PPP1CC: variants seen among roughly 807,000 people sequenced by gnomAD.
PPP1CC encodes serine/threonine-protein phosphatase PP1-gamma catalytic subunit.
Under a neutral mutation model 38.4 loss-of-function variants are expected in PPP1CC, and 16 were observed. That is an observed-to-expected ratio of 0.42 (90% CI 0.28 to 0.63). PPP1CC has a LOEUF of 0.63. Among genes scored for constraint, PPP1CC ranks in the 30% least tolerant of loss-of-function variants. PPP1CC has a pLI of 0.25. For synonymous variants in PPP1CC, 158 were observed against 136.0 expected (o/e 1.16, Z -1.13); for missense variants, 170 against 391.3 (o/e 0.43, Z 4.77).
chr12:110,732,394 T>TA, intron 1 of PPP1CC: 1 of 144,240 alleles, frequency 6.9e-6, no homozygotes, highest in Non-Finnish European at 1.4e-5. Context: ...AGACTCCGTC[T>TA]CAAAAAAAAA....
In PPP1CC at chr12:110,720,358, C is replaced by T. The variant is rs906447227; in HGVS notation, c.*718G>A. ...TCCCCAAGAAGGCAGCATGTGTATA[C>T]AACCATACCACCTTGTACTTAGGGG... is the stretch of plus-strand genomic sequence containing the variant. On this transcript the variant is annotated 3_prime_UTR_variant, in exon 7 of 7. Coordinates refer to ENST00000335007, the MANE Select transcript of PPP1CC (RefSeq NM_002710.4). The T allele has an allele frequency of 3.2e-6, 2 of 627,374 alleles. No individual in the cohort carries two copies. The highest frequency in any genetic ancestry group is 2.8e-5 in the Admixed American group (1 of 35,352). The allele number at this position is 627,374 out of a possible 1,614,324, so 38.9% of individuals were successfully genotyped here.
intron 1 of PPP1CC, among the ~76,000 whole-genome samples, chr12:110,740,721 G>T (rs1346110909): frequency 3.3e-5 from 5 of 152,186 alleles, no homozygotes; most frequent in Non-Finnish European, 7.3e-5. Context: ...CATTTTAGAT[G>T]TATCATTACT....
At chr12:110,713,779 T>C in the PPP1CC span, among the ~76,000 whole-genome samples, 1 of 152,202 alleles carries the variant, frequency 6.6e-6, no homozygotes, top group Non-Finnish European at 1.5e-5. Context: ...AGAGGAATTC[T>C]GGTTTTCTGG....
At chr12:110,714,802 T>G (rs2069675921), downstream of PPP1CC, among the ~76,000 whole-genome samples, 2 of 72,620 alleles carry the variant, frequency 2.8e-5, no homozygotes, top group South Asian at 4.9e-4. Flanking sequence ...CAAGACTCTG[T>G]CTCAAAAAAA....
intron 3 of PPP1CC, among the ~76,000 whole-genome samples, chr12:110,730,220 G>A (rs1347360697): frequency 6.6e-6 from 1 of 152,212 alleles, no homozygotes; most frequent in Non-Finnish European, 1.5e-5. Context: ...TTAGCCAAGC[G>A]TGGTGATGCA....
At chr12:110,710,372 G>C in the PPP1CC span, among the ~76,000 whole-genome samples, 4 of 148,012 alleles carry the variant, frequency 2.7e-5, no homozygotes, top group Non-Finnish European at 5.9e-5. Flanking sequence ...GTGAAACCCT[G>C]TCGCTATTAA....
In PPP1CC at chr12:110,720,281, A is replaced by T; in HGVS notation, c.*795T>A. On this transcript the variant is annotated 3_prime_UTR_variant, in exon 7 of 7. Coordinates refer to ENST00000335007, the MANE Select transcript of PPP1CC (RefSeq NM_002710.4). ...TATTACCTTTTATCGTTAGTAGCTT[A>T]AACAGCACTATATCACTAATTGCTA... 8.1e-7 allele frequency: 1 copy of T among 1,231,726 alleles called. No individual in the cohort carries two copies. Among genetic ancestry groups the T allele is most frequent in the Non-Finnish European group, 1.1e-6 (1 of 876,230 alleles). 76.3% of individuals were successfully genotyped at this position (1,231,726 alleles called of 1,614,324 possible). A position where few individuals can be genotyped will look rare whatever the true frequency, so the allele number is the denominator to read the frequency against.
At chr12:110,735,928 G>A (rs2069938647) in intron 1 of PPP1CC, among the ~76,000 whole-genome samples, 1 of 152,126 alleles carries the variant, frequency 6.6e-6, no homozygotes. Flanking sequence ...AGCCAGGCGT[G>A]GTGGCAGGCA....
At chr12:110,717,968 C>A (rs2069700628), downstream of PPP1CC, among the ~76,000 whole-genome samples, 2 of 152,174 alleles carry the variant, frequency 1.3e-5, no homozygotes, top group Admixed American at 1.3e-4. Context: ...TAGCTTGTAT[C>A]TTCACTTCCC....
chr12:110,742,753 C>T lies in PPP1CC; in HGVS notation c.-46G>A. ...TCCCGCAGCGGCGCCGCCGCCGGCT[C>T]GCGCCCGGGACTCACACCTCCTTTC... On this transcript the variant is annotated 5_prime_UTR_variant, in exon 1 of 7. Transcript: ENST00000335007. 1 of 1,359,994 alleles carries T rather than the reference C, an allele frequency of 7.4e-7. No individual in the cohort carries two copies. The highest frequency in any genetic ancestry group is 9.6e-7 in the Non-Finnish European group (1 of 1,043,446). The allele number at this position is 1,359,994 out of a possible 1,614,324, so 84.2% of individuals were successfully genotyped here.
At chr12:110,733,244 G>C (rs1042751242) in intron 1 of PPP1CC, among the ~76,000 whole-genome samples, 7 of 152,212 alleles carry the variant, frequency 4.6e-5, no homozygotes, top group Admixed American at 4.6e-4. Flanking sequence ...AACTTGGGCA[G>C]ACTGCCCAGC....
At chr12:110,710,501 A>T in the PPP1CC span, among the ~76,000 whole-genome samples, 1 of 150,168 alleles carries the variant, frequency 6.7e-6, no homozygotes, top group South Asian at 2.1e-4. Context: ...GGTGGATCAC[A>T]AGGTCAGAAG....
intron 3 of PPP1CC, among the ~76,000 whole-genome samples, chr12:110,727,612 T>A (rs1276405005): frequency 1.6e-3 from 209 of 133,422 alleles, no homozygotes; most frequent in South Asian, 5.8e-3. Context: ...TTTACAAAGT[T>A]AAAAAAAAAA....
intron 1 of PPP1CC, among the ~76,000 whole-genome samples, chr12:110,739,228 A>G (rs2069983516): frequency 6.6e-6 from 1 of 152,118 alleles, no homozygotes; most frequent in African/African-American, 2.4e-5. Flanking sequence ...AAATCGCTTG[A>G]ACCCGGGAGG....
At chr12:110,710,978 C>T in the PPP1CC span, among the ~76,000 whole-genome samples, 2 of 151,866 alleles carry the variant, frequency 1.3e-5, no homozygotes, top group African/African-American at 4.8e-5. Context: ...GAGTTCGAGA[C>T]CAGCCTGGAC....
At chr12:110,719,120 T>C (rs1463890159), downstream of PPP1CC, among the ~76,000 whole-genome samples, 5 of 152,160 alleles carry the variant, frequency 3.3e-5, no homozygotes, top group African/African-American at 7.2e-5. Context: ...GAATTTGCCT[T>C]TGACACAATT....
At chr12:110,738,137 C>T (rs1238960863) in intron 1 of PPP1CC, among the ~76,000 whole-genome samples, 4 of 152,154 alleles carry the variant, frequency 2.6e-5, no homozygotes, top group African/African-American at 9.7e-5. Context: ...GCTTTACTGT[C>T]GGTGATGACC....
At chr12:110,724,216 T>G in intron 4 of PPP1CC, among the ~76,000 whole-genome samples, 1 of 151,892 alleles carries the variant, frequency 6.6e-6, no homozygotes, top group East Asian at 1.9e-4. Flanking sequence ...CCAGCCTGGG[T>G]GAGAGAGCGA....
chr12:110,717,554 C>T (rs150485732), downstream of PPP1CC, among the ~76,000 whole-genome samples: 22 of 152,168 alleles, frequency 1.4e-4, no homozygotes, highest in Middle Eastern at 6.8e-3. Context: ...TCACCATGCC[C>T]GGCTAATTTT....
Sources: gnomAD v4.1 joint callset for allele counts (sites outside exome capture counted in the v4.1 genomes callset) on GRCh38, gnomAD v4.1.1 for gene constraint, MANE v1.5 for transcripts, NCBI Gene and HGNC (gene_info 2026-07-23, HGNC 2026-07-21) for gene names.